The following LPAR1 variants were observed in gnomAD, a reference collection of about 807,000 sequenced individuals.
The protein encoded by LPAR1 is lysophosphatidic acid receptor 1.
Under a neutral mutation model 23.8 loss-of-function variants are expected in LPAR1, and 5 were observed. That is an observed-to-expected ratio of 0.21 (90% CI 0.11 to 0.44). The LOEUF (loss-of-function observed/expected upper bound fraction) is 0.44. Ranked by LOEUF, LPAR1 falls within the 20% of genes least tolerant of loss-of-function variation. The pLI is 0.99. For synonymous variants in LPAR1, 160 were observed against 164.7 expected (o/e 0.97, Z 0.22); for missense variants, 311 against 482.8 (o/e 0.64, Z 3.33).
intron 5 of LPAR1, among the ~76,000 whole-genome samples, chr9:110,900,608 T>C (rs1292731630): frequency 6.6e-6 from 1 of 152,198 alleles, no homozygotes; most frequent in East Asian, 1.9e-4. Context: ...TTTTTCTACT[T>C]TTAATGTTAC....
At chr9:110,878,000 C>T (rs1174806254) in intron 5 of LPAR1, among the ~76,000 whole-genome samples, 1 of 152,118 alleles carries the variant, frequency 6.6e-6, no homozygotes, top group Non-Finnish European at 1.5e-5. Flanking sequence ...CCAAGAAATG[C>T]AAGGAACCCT....
chr9:111,005,675 A>G (rs955399594), intron 2 of LPAR1, among the ~76,000 whole-genome samples: 23 of 152,152 alleles, frequency 1.5e-4, no homozygotes, highest in African/African-American at 5.3e-4. Flanking sequence ...GCAAGTCTTA[A>G]CATTATTTAC....
intron 2 of LPAR1, among the ~76,000 whole-genome samples, chr9:111,029,922 G>A (rs1455473539): frequency 6.6e-6 from 1 of 151,764 alleles, no homozygotes; most frequent in Non-Finnish European, 1.5e-5. Flanking sequence ...AGGCATGGTG[G>A]TGCACGCCTG....
At chr9:110,990,006 G>A (rs2096865784) in intron 2 of LPAR1, among the ~76,000 whole-genome samples, 1 of 151,446 alleles carries the variant, frequency 6.6e-6, no homozygotes. Flanking sequence ...TATTAGCAGG[G>A]ATTTTAAAAA....
At chr9:110,997,187 A>G (rs1292339378) in intron 2 of LPAR1, among the ~76,000 whole-genome samples, 4 of 152,218 alleles carry the variant, frequency 2.6e-5, no homozygotes, top group African/African-American at 9.6e-5. Flanking sequence ...GAAAGAGTCA[A>G]TCAAGAAGCC....
intron 1 of LPAR1, among the ~76,000 whole-genome samples, chr9:111,036,924 T>A (rs2097907041): frequency 6.6e-6 from 1 of 152,220 alleles, no homozygotes; most frequent in African/African-American, 2.4e-5. Context: ...GGTGACATTC[T>A]ACCTCCCTGT....
chr9:110,959,184 A>AAAAAC (rs1390924447), intron 4 of LPAR1, among the ~76,000 whole-genome samples: 1 of 151,170 alleles, frequency 6.6e-6, no homozygotes, highest in East Asian at 1.9e-4. Context: ...AAAAAAAAAA[A>AAAAAC]ACCACTAAAA....
intron 2 of LPAR1, among the ~76,000 whole-genome samples, chr9:111,024,899 A>G (rs1235431786): frequency 6.6e-6 from 1 of 152,208 alleles, no homozygotes; most frequent in African/African-American, 2.4e-5. Flanking sequence ...TTATGGCTGC[A>G]TAGTATTCCA....
chr9:110,900,519 G>A (rs769113658), intron 5 of LPAR1, among the ~76,000 whole-genome samples: 3 of 152,080 alleles, frequency 2.0e-5, no homozygotes, highest in Non-Finnish European at 2.9e-5. Context: ...ATTTTCTTCT[G>A]TGCCGCAAGT....
chr9:110,892,708 G>GAAGGGA (rs1281506256), intron 5 of LPAR1, among the ~76,000 whole-genome samples: 111 of 148,802 alleles, frequency 7.5e-4, no homozygotes, highest in Middle Eastern at 7.0e-3. Flanking sequence ...GAAGGGAAAG[G>GAAGGGA]AAGGGAAAGG....
At chr9:110,878,666 C>T (rs1243885202) in intron 5 of LPAR1, among the ~76,000 whole-genome samples, 8 of 152,188 alleles carry the variant, frequency 5.3e-5, no homozygotes, top group Admixed American at 4.6e-4. Flanking sequence ...GCCTCCTCCA[C>T]ATGGCACAGT....
intron 5 of LPAR1, among the ~76,000 whole-genome samples, chr9:110,927,078 G>A (rs956905967): frequency 5.3e-4 from 80 of 152,210 alleles, no homozygotes; most frequent in African/African-American, 1.9e-3. Context: ...AAACACTGAC[G>A]TAGCGAAGTC....
intron 4 of LPAR1, among the ~76,000 whole-genome samples, chr9:110,960,708 G>A (rs1406958943): frequency 6.6e-6 from 1 of 152,096 alleles, no homozygotes; most frequent in African/African-American, 2.4e-5. Flanking sequence ...AGAAATGGGA[G>A]GGAATGTTAA....
chr9:110,969,598 G>A (rs1294815806), intron 4 of LPAR1, among the ~76,000 whole-genome samples: 1 of 151,924 alleles, frequency 6.6e-6, no homozygotes, highest in East Asian at 1.9e-4. Flanking sequence ...TATAATCCTA[G>A]CTACTTGGGA....
chr9:110,881,538 G>C (rs1171676623), intron 5 of LPAR1, among the ~76,000 whole-genome samples: 1 of 152,048 alleles, frequency 6.6e-6, no homozygotes, highest in Non-Finnish European at 1.5e-5. Context: ...GCACGTACAA[G>C]TTCCATACCC....
intron 4 of LPAR1, among the ~76,000 whole-genome samples, chr9:110,951,365 A>G (rs933435259): frequency 6.6e-6 from 1 of 152,182 alleles, no homozygotes; most frequent in Non-Finnish European, 1.5e-5. Flanking sequence ...AAACTAAATT[A>G]GTAGAAACTT....
intron 2 of LPAR1, among the ~76,000 whole-genome samples, chr9:111,004,951 A>G (rs1315165593): frequency 1.3e-5 from 2 of 152,130 alleles, no homozygotes; most frequent in African/African-American, 4.8e-5. Context: ...ACTTGAGCCC[A>G]TGAATTTGAG....
intron 5 of LPAR1, among the ~76,000 whole-genome samples, chr9:110,882,657 A>G (rs1371421328): frequency 1.3e-5 from 2 of 152,176 alleles, no homozygotes; most frequent in African/African-American, 4.8e-5. Flanking sequence ...ATACATAATA[A>G]AAGTGCAAGC....
At chr9:110,934,205 G>A (rs1038920067) in intron 5 of LPAR1, among the ~76,000 whole-genome samples, 3 of 152,148 alleles carry the variant, frequency 2.0e-5, no homozygotes, top group Admixed American at 1.3e-4. Flanking sequence ...GGTCACCTGT[G>A]GCCAGGGAAT....
Sources: allele counts gnomAD v4.1 joint callset (sites outside exome capture counted in the v4.1 genomes callset), GRCh38; gene constraint gnomAD v4.1.1; transcripts MANE v1.5; gene names NCBI Gene and HGNC (gene_info 2026-07-23, HGNC 2026-07-21).